Variants in ZNF804B observed in about 807,000 individuals in gnomAD.
ZNF804B encodes the protein zinc finger 804B.
ZNF804B carries 80 observed loss-of-function variants against 101.4 expected under a neutral mutation model. The observed-to-expected ratio is 0.79, with a 90% CI of 0.66 to 0.95. The LOEUF (loss-of-function observed/expected upper bound fraction) is 0.95, where lower values mean the gene tolerates loss of function less well. Ranked by LOEUF, ZNF804B falls within the 40% of genes least tolerant of loss-of-function variation. The pLI is 0.00. For synonymous variants in ZNF804B, 622 were observed against 558.8 expected (o/e 1.11, Z -1.59); for missense variants, 1,673 against 1,561.9 (o/e 1.07, Z -1.20).
chr7:89,015,172 T>C (rs888546979), intron 1 of ZNF804B, among the ~76,000 whole-genome samples: 18 of 152,182 alleles, frequency 1.2e-4, no homozygotes, highest in African/African-American at 3.9e-4. Flanking sequence ...TGTGAATTAC[T>C]TCCTGGGTTC....
intron 2 of ZNF804B, among the ~76,000 whole-genome samples, chr7:89,269,432 A>G (rs1789849146): frequency 6.6e-6 from 1 of 152,142 alleles, no homozygotes; most frequent in South Asian, 2.1e-4. Context: ...CATGGTGTAT[A>G]TGTGCCACAT....
chr7:89,103,048 GTTTTTTTTTTTTTTTTTT>G (rs56693128), intron 1 of ZNF804B, among the ~76,000 whole-genome samples: 9 of 33,728 alleles, frequency 2.7e-4, no homozygotes, highest in East Asian at 1.5e-3. Flanking sequence ...CTATGTGTCT[GTTTTTTTTTTTTTTTTTT>G]TTTTTTTTTT....
rs148589515 is a variant in ZNF804B, at chr7:89,017,879, T to G, written c.109-200276T>G. Among the ~76,000 whole-genome samples, 1,330 of 152,276 alleles carry G rather than the reference T, an allele frequency of 8.7e-3. 21 individuals are homozygous for G. Among genetic ancestry groups the G allele is most frequent in the African/African-American group, 0.03 (1,250 of 41,548 alleles). On this transcript the variant is annotated intron_variant, in intron 1 of 3. Transcript: ENST00000333190. ...TGGTTGATTTTTTTCTTCTGCAATT[T>G]TGCTGACTCTGTTCATTAGTTCTAA...
intron 2 of ZNF804B, among the ~76,000 whole-genome samples, chr7:89,223,716 A>G (rs1032076127): frequency 3.3e-5 from 5 of 151,632 alleles, no homozygotes; most frequent in Non-Finnish European, 5.9e-5. Context: ...CTTAAGTATT[A>G]TTTGTAGAGA....
chr7:89,127,429 G>A (rs1790489693), intron 1 of ZNF804B, among the ~76,000 whole-genome samples: 1 of 151,776 alleles, frequency 6.6e-6, no homozygotes, highest in Admixed American at 6.6e-5. Context: ...AATCTCTGAA[G>A]CAGTAAAGAA....
At chr7:89,294,662 TG>T (rs1790350745) in intron 2 of ZNF804B, among the ~76,000 whole-genome samples, 4 of 152,252 alleles carry the variant, frequency 2.6e-5, no homozygotes, top group Non-Finnish European at 5.9e-5. Context: ...ATTATTTTCC[TG>T]TCTCTGTTAT....
At chr7:88,838,339 C>T (rs1791246486) in intron 1 of ZNF804B, among the ~76,000 whole-genome samples, 1 of 151,794 alleles carries the variant, frequency 6.6e-6, no homozygotes. Flanking sequence ...TAAACACAGG[C>T]AGACTGTCTC....
chr7:89,038,531 ATTGT>A (rs1268530490), intron 1 of ZNF804B, among the ~76,000 whole-genome samples: 1 of 151,720 alleles, frequency 6.6e-6, no homozygotes, highest in Non-Finnish European at 1.5e-5. Flanking sequence ...TTGCTATTGG[ATTGT>A]TTGAGTTCCG....
chr7:89,268,276 A>C (rs1369846811), intron 2 of ZNF804B, among the ~76,000 whole-genome samples: 4 of 152,176 alleles, frequency 2.6e-5, no homozygotes, highest in African/African-American at 9.7e-5. Flanking sequence ...AATCACTTCC[A>C]GATTCCTCCT....
intron 1 of ZNF804B, among the ~76,000 whole-genome samples, chr7:88,871,248 G>A (rs964525183): frequency 1.3e-5 from 2 of 152,106 alleles, no homozygotes; most frequent in African/African-American, 4.8e-5. Flanking sequence ...AATTATCCCT[G>A]TGAACTTTAA....
intron 1 of ZNF804B, chr7:88,794,295 G>T: frequency 6.2e-7 from 1 of 1,613,806 alleles, no homozygotes; most frequent in Non-Finnish European, 8.5e-7. Context: ...ATTTGCACAA[G>T]TACTTTATGA....
At chr7:89,050,809 C>T (rs1039761501) in intron 1 of ZNF804B, among the ~76,000 whole-genome samples, 1 of 152,014 alleles carries the variant, frequency 6.6e-6, no homozygotes, top group Admixed American at 6.6e-5. Context: ...TAATAATTCC[C>T]ACCTAAGTCC....
At position 88,840,922 on chromosome 7, in the gene ZNF804B, A is replaced by T. The variant is rs563557836; in HGVS notation, c.108+80838A>T. Among the ~76,000 whole-genome samples, 4 of 152,304 alleles carry T rather than the reference A, an allele frequency of 2.6e-5. No individual in the cohort carries two copies. The South Asian group carries it at 8.3e-4, about 32-fold the overall frequency. On this transcript the variant is annotated intron_variant, in intron 1 of 3. Coordinates refer to ENST00000333190, the MANE Select transcript of ZNF804B (RefSeq NM_181646.5). ...AGTCCCAAATTTGGAAGGGTTATAC[A>T]TCCAAATACTTAAAATATACTCATT...
chr7:89,303,177 A>G (rs1308444757), intron 2 of ZNF804B, among the ~76,000 whole-genome samples: 1 of 151,812 alleles, frequency 6.6e-6, no homozygotes, highest in Non-Finnish European at 1.5e-5. Context: ...GCTGTGTTGT[A>G]TTCCAGACAT....
chr7:88,878,099 A>G (rs947608646), intron 1 of ZNF804B, among the ~76,000 whole-genome samples: 2 of 152,214 alleles, frequency 1.3e-5, no homozygotes, highest in Non-Finnish European at 2.9e-5. Context: ...TTTAACTGAA[A>G]TAAATAATTA....
At chr7:88,864,622 A>G (rs887415392) in intron 1 of ZNF804B, among the ~76,000 whole-genome samples, 26 of 152,286 alleles carry the variant, frequency 1.7e-4, no homozygotes, top group Admixed American at 1.4e-3. Flanking sequence ...TCTATTATTT[A>G]TCAATGTATT....
intron 1 of ZNF804B, among the ~76,000 whole-genome samples, chr7:88,956,099 G>T (rs1340692783): frequency 1.3e-5 from 2 of 151,638 alleles, no homozygotes; most frequent in African/African-American, 4.8e-5. Context: ...TGCTGGTGAG[G>T]ATGTGGAGAA....
intron 1 of ZNF804B, among the ~76,000 whole-genome samples, chr7:89,189,439 G>A (rs971248658): frequency 1.7e-4 from 26 of 152,012 alleles, no homozygotes; most frequent in African/African-American, 6.3e-4. Flanking sequence ...CGGAAGCCTC[G>A]ATCCAAGTAA....
At chr7:89,318,061 TA>T (rs1790760684) in intron 2 of ZNF804B, among the ~76,000 whole-genome samples, 1 of 152,212 alleles carries the variant, frequency 6.6e-6, no homozygotes, top group Admixed American at 6.5e-5. Context: ...CACTCTTCAA[TA>T]TTAATAAACC....
Sources: gnomAD v4.1 joint callset for allele counts (sites outside exome capture counted in the v4.1 genomes callset) on GRCh38, gnomAD v4.1.1 for gene constraint, MANE v1.5 for transcripts, NCBI Gene and HGNC (gene_info 2026-07-23, HGNC 2026-07-21) for gene names.